Variants in ROBO2 observed in about 807,000 individuals in gnomAD.
ROBO2 encodes the protein roundabout guidance receptor 2.
Under a neutral mutation model 160.8 loss-of-function variants are expected in ROBO2, and 53 were observed. That is an observed-to-expected ratio of 0.33 (90% CI 0.26 to 0.41). ROBO2 has a LOEUF of 0.41. Among genes scored for constraint, ROBO2 ranks in the 10% least tolerant of loss-of-function variants. The pLI, the probability that ROBO2 is intolerant of heterozygous loss-of-function variation, is 1.00. For synonymous variants in ROBO2, 664 were observed against 611.7 expected, an observed-to-expected ratio of 1.09 and a Z score of -1.26; for missense variants, 1,577 against 1,722.4, an observed-to-expected ratio of 0.92 and a Z score of 1.49.
rs571768245 is a variant in ROBO2, at chr3:77,535,192, G to GTTTTTC, written c.935-11128_935-11123dup. On this transcript the variant is annotated intron_variant, in intron 6 of 25. Coordinates refer to ENST00000461745, the Ensembl canonical transcript of ROBO2. ...CAGTACATTTGTTCCTTGGTTTCAA[G>GTTTTTC]TTTTTCTTTTTCTTTTTCTTTTTTT... is the stretch of plus-strand genomic sequence containing the variant. 1.5e-3 allele frequency among the ~76,000 whole-genome samples: 223 copies of GTTTTTC among 150,496 alleles called. 1 individual carries two copies. In the East Asian group the frequency reaches 0.035, roughly 24 times the overall value.
chr3:76,024,795 C>T (rs1047225708), intron 2 of ROBO2, among the ~76,000 whole-genome samples: 2 of 151,498 alleles, frequency 1.3e-5, no homozygotes, highest in Admixed American at 6.6e-5. Flanking sequence ...TTGTTTTCCT[C>T]TTTGTATTGG....
chr3:76,055,715 CTTT>C (rs1008737082), intron 2 of ROBO2, among the ~76,000 whole-genome samples: 1 of 151,900 alleles, frequency 6.6e-6, no homozygotes, highest in Non-Finnish European at 1.5e-5. Flanking sequence ...TGTATGTATA[CTTT>C]TTTTTTATCT....
At chr3:76,443,165 C>T (rs1465318937) in intron 2 of ROBO2, among the ~76,000 whole-genome samples, 2 of 151,928 alleles carry the variant, frequency 1.3e-5, no homozygotes, top group African/African-American at 2.4e-5. Flanking sequence ...ACATTCAGTT[C>T]TCACAGGAAC....
At chr3:77,528,846 ATTGATGT>A (rs1303254296) in intron 6 of ROBO2, among the ~76,000 whole-genome samples, 2 of 151,734 alleles carry the variant, frequency 1.3e-5, no homozygotes, top group Non-Finnish European at 3.0e-5. Context: ...GGTTTGTACA[ATTGATGT>A]TTGAAAATTG....
chr3:76,261,927 T>C (rs1416015537), intron 2 of ROBO2, among the ~76,000 whole-genome samples: 1 of 152,176 alleles, frequency 6.6e-6, no homozygotes, highest in Non-Finnish European at 1.5e-5. Flanking sequence ...ATCCACATTA[T>C]ATACGATTTT....
intron 2 of ROBO2, among the ~76,000 whole-genome samples, chr3:76,070,249 G>T (rs2068401620): frequency 1.3e-5 from 2 of 152,178 alleles, no homozygotes; most frequent in African/African-American, 2.4e-5. Flanking sequence ...AAGCAAATGG[G>T]AGAAATATCA....
At position 77,369,721 on chromosome 3, in the gene ROBO2, G is replaced by A. The variant is rs562034417; in HGVS notation, c.389-107693G>A. On this transcript the variant is annotated intron_variant, in intron 2 of 25. Transcript: ENST00000461745. ...CTGGAACTTGCATTGGAGAGGCTGA[G>A]TTAGGGTTTTATGGATAGACTTAAG... Among the ~76,000 whole-genome samples the A allele has an allele frequency of 5.5e-4, 83 of 152,292 alleles. 1 individual carries two copies. The South Asian group carries it at 0.016, about 29-fold the overall frequency.
At chr3:76,157,086 G>A (rs191803445) in intron 2 of ROBO2, among the ~76,000 whole-genome samples, 5 of 152,260 alleles carry the variant, frequency 3.3e-5, no homozygotes, top group African/African-American at 4.8e-5. Flanking sequence ...TGATATCCTC[G>A]GAGTTCAAGG....
chr3:76,966,647 C>T (rs1386278750), intron 2 of ROBO2, among the ~76,000 whole-genome samples: 2 of 152,170 alleles, frequency 1.3e-5, no homozygotes, highest in African/African-American at 2.4e-5. Flanking sequence ...GGGTTCAAGT[C>T]CTAAGTTTTC....
intron 2 of ROBO2, among the ~76,000 whole-genome samples, chr3:77,296,396 A>G (rs2062125704): frequency 6.6e-6 from 1 of 152,042 alleles, no homozygotes; most frequent in South Asian, 2.1e-4. Context: ...TAGATCACCA[A>G]AGACATAAAG....
At chr3:77,253,819 T>C (rs2090636969) in intron 2 of ROBO2, among the ~76,000 whole-genome samples, 1 of 152,246 alleles carries the variant, frequency 6.6e-6, no homozygotes, top group South Asian at 2.1e-4. Context: ...CCACTAGAAA[T>C]AGAGGTAAAG....
intron 2 of ROBO2, among the ~76,000 whole-genome samples, chr3:75,993,093 T>G (rs574958531): frequency 6.6e-6 from 1 of 152,294 alleles, no homozygotes; most frequent in African/African-American, 2.4e-5. Context: ...TTTGGGTTAT[T>G]GCTGAAATGA....
intron 2 of ROBO2, among the ~76,000 whole-genome samples, chr3:76,373,900 G>A (rs987784372): frequency 2.6e-5 from 4 of 151,904 alleles, no homozygotes; most frequent in Non-Finnish European, 5.9e-5. Flanking sequence ...TATCTGAAAT[G>A]GTCTTATTGT....
At chr3:77,172,489 A>T (rs2079738126) in intron 2 of ROBO2, among the ~76,000 whole-genome samples, 1 of 152,122 alleles carries the variant, frequency 6.6e-6, no homozygotes, top group African/African-American at 2.4e-5. Flanking sequence ...GCATTATTCT[A>T]CCATTCAGAG....
At chr3:76,815,326 A>G (rs568463908) in intron 2 of ROBO2, among the ~76,000 whole-genome samples, 1 of 152,046 alleles carries the variant, frequency 6.6e-6, no homozygotes, top group Non-Finnish European at 1.5e-5. Context: ...TAGGTAAGTT[A>G]TGGTACAGAA....
At chr3:76,414,746 C>T (rs1276202781) in intron 2 of ROBO2, among the ~76,000 whole-genome samples, 1 of 144,286 alleles carries the variant, frequency 6.9e-6, no homozygotes, top group Non-Finnish European at 1.5e-5. Flanking sequence ...TGCACATGTA[C>T]CCTAAAACTT....
chr3:76,615,257 T>C (rs1269071290), intron 2 of ROBO2, among the ~76,000 whole-genome samples: 3 of 152,092 alleles, frequency 2.0e-5, no homozygotes, highest in African/African-American at 7.2e-5. Context: ...TGAAAATCAG[T>C]TGTATTGTTT....
At chr3:76,245,441 A>G (rs1705559825) in intron 2 of ROBO2, among the ~76,000 whole-genome samples, 1 of 152,214 alleles carries the variant, frequency 6.6e-6, no homozygotes, top group Non-Finnish European at 1.5e-5. Context: ...GTTGACAAAA[A>G]TACCTACAGT....
At chr3:77,545,657 A>G (rs1183557801) in intron 6 of ROBO2, among the ~76,000 whole-genome samples, 2 of 152,058 alleles carry the variant, frequency 1.3e-5, no homozygotes, top group Non-Finnish European at 2.9e-5. Flanking sequence ...CCATCTCTGT[A>G]TCTTTAGTGC....
Sources: gnomAD v4.1 joint callset for allele counts (sites outside exome capture counted in the v4.1 genomes callset) on GRCh38, gnomAD v4.1.1 for gene constraint, MANE v1.5 for transcripts, NCBI Gene and HGNC (gene_info 2026-07-23, HGNC 2026-07-21) for gene names.